The following ARID2 variants were observed in gnomAD, a reference collection of about 807,000 sequenced individuals.
The protein encoded by ARID2 is AT-rich interaction domain 2.
A neutral mutation model predicts 184.6 loss-of-function variants in ARID2; 32 were observed. The ratio of observed to expected loss-of-function variants is 0.17; its 90% CI spans 0.13 to 0.23. ARID2 has a LOEUF of 0.23. Ranked by LOEUF, ARID2 falls within the 10% of genes least tolerant of loss-of-function variation. ARID2 has a pLI of 1.00. For missense variants in ARID2, 1,696 were observed against 2,197.6 expected, an observed-to-expected ratio of 0.77 and a Z score of 4.56; for synonymous variants, 836 against 772.6, an observed-to-expected ratio of 1.08 and a Z score of -1.36.
chr12:45,735,646 C>T (rs1941101037), intron 3 of ARID2, among the ~76,000 whole-genome samples: 1 of 151,990 alleles, frequency 6.6e-6, no homozygotes, highest in Non-Finnish European at 1.5e-5. Flanking sequence ...AAACAAAAAA[C>T]CTGATTTTGA....
chr12:45,824,768 G>T (rs1439053231), intron 6 of ARID2, among the ~76,000 whole-genome samples: 1 of 151,710 alleles, frequency 6.6e-6, no homozygotes. Flanking sequence ...AGGAATACCT[G>T]TGCCGTCAAT....
intron 3 of ARID2, among the ~76,000 whole-genome samples, chr12:45,735,913 T>C (rs1159732096): frequency 6.6e-6 from 1 of 152,236 alleles, no homozygotes; most frequent in African/African-American, 2.4e-5. Flanking sequence ...AATGTTTATA[T>C]GCTTTTTTTT....
intron 12 of ARID2, among the ~76,000 whole-genome samples, chr12:45,848,274 G>A (rs983948704): frequency 6.6e-6 from 1 of 152,018 alleles, no homozygotes; most frequent in African/African-American, 2.4e-5. Flanking sequence ...GTTTGAATTA[G>A]TTTGTAATGG....
chr12:45,801,544 C>T (rs186486905), intron 3 of ARID2, among the ~76,000 whole-genome samples: 2 of 152,292 alleles, frequency 1.3e-5, no homozygotes, highest in East Asian at 3.9e-4. Context: ...AAAGCGCCAA[C>T]TGTGAGACAA....
intron 3 of ARID2, among the ~76,000 whole-genome samples, chr12:45,769,937 G>A (rs1374225406): frequency 1.3e-5 from 2 of 152,132 alleles, no homozygotes; most frequent in African/African-American, 4.8e-5. Flanking sequence ...CAAGAATTCT[G>A]TATTCAGGAA....
intron 15 of ARID2, among the ~76,000 whole-genome samples, chr12:45,859,727 C>A (rs1943710158): frequency 6.6e-6 from 1 of 152,118 alleles, no homozygotes; most frequent in Admixed American, 6.5e-5. Flanking sequence ...TTTATGCCTA[C>A]AATTAGAATT....
At position 45,836,569 on chromosome 12, in the gene ARID2, T is replaced by G. The variant is rs751988354; in HGVS notation, c.706-20T>G. 2.5e-6 allele frequency: 4 copies of G among 1,594,200 alleles called. No individual in the cohort carries two copies. In the East Asian group the frequency reaches 9.0e-5, roughly 36 times the overall value. On this transcript the variant is annotated intron_variant, in intron 6 of 20. Transcript: ENST00000334344. ...ATAGTTGTTTCAAATCATGGAGAAT[T>G]AAATAATTTATCATTACAGTTTTGG...
At chr12:45,897,367 A>G (rs1944383690) in intron 20 of ARID2, among the ~76,000 whole-genome samples, 1 of 152,220 alleles carries the variant, frequency 6.6e-6, no homozygotes. Context: ...AGACACAGAC[A>G]ATAAAAGGAA....
chr12:45,846,514 A>T (rs532430232), intron 11 of ARID2, among the ~76,000 whole-genome samples: 24 of 152,282 alleles, frequency 1.6e-4, no homozygotes, highest in African/African-American at 5.3e-4. Context: ...CCTACCTCAC[A>T]GAAGAATTAA....
intron 3 of ARID2, among the ~76,000 whole-genome samples, chr12:45,749,635 A>G (rs1314125200): frequency 6.6e-6 from 1 of 152,150 alleles, no homozygotes; most frequent in Non-Finnish European, 1.5e-5. Context: ...TATGTTGAAA[A>G]TCTGTTGTTT....
intron 15 of ARID2, among the ~76,000 whole-genome samples, chr12:45,856,191 C>T (rs1253284592): frequency 6.7e-6 from 1 of 149,924 alleles, no homozygotes; most frequent in East Asian, 2.0e-4. Flanking sequence ...TCTTCCACCT[C>T]AGCCTCCTGA....
chr12:45,799,798 A>T (rs967599732), intron 3 of ARID2, among the ~76,000 whole-genome samples: 4 of 152,224 alleles, frequency 2.6e-5, no homozygotes, highest in Non-Finnish European at 5.9e-5. Context: ...GCAACACATT[A>T]CATAAATTAC....
At chr12:45,877,304 T>G (rs1197706348) in intron 16 of ARID2, among the ~76,000 whole-genome samples, 1 of 151,968 alleles carries the variant, frequency 6.6e-6, no homozygotes, top group Non-Finnish European at 1.5e-5. Flanking sequence ...CTCTGCCCCC[T>G]GTTAGATCAG....
intron 3 of ARID2, among the ~76,000 whole-genome samples, chr12:45,759,887 T>G (rs1002473484): frequency 4.6e-5 from 7 of 152,136 alleles, no homozygotes; most frequent in African/African-American, 1.7e-4. Flanking sequence ...GGTTGTACAT[T>G]TGGGAGATTT....
chr12:45,749,823 A>G (rs1188706406), intron 3 of ARID2, among the ~76,000 whole-genome samples: 1 of 152,098 alleles, frequency 6.6e-6, no homozygotes, highest in Non-Finnish European at 1.5e-5. Context: ...CAGCTTCCTC[A>G]CTTCTCTCAG....
chr12:45,856,077 T>TTC (rs1943643549), intron 15 of ARID2, among the ~76,000 whole-genome samples: 1 of 127,060 alleles, frequency 7.9e-6, no homozygotes, highest in Non-Finnish European at 1.6e-5. Context: ...CTTTTTTTTT[T>TTC]TTTTTTTTTT....
chr12:45,799,631 G>A (rs1942457376), intron 3 of ARID2, among the ~76,000 whole-genome samples: 1 of 152,138 alleles, frequency 6.6e-6, no homozygotes, highest in African/African-American at 2.4e-5. Context: ...CAATAGTTGG[G>A]AGTCAAAAGA....
At chr12:45,812,209 A>G (rs1324378065) in intron 4 of ARID2, among the ~76,000 whole-genome samples, 1 of 151,594 alleles carries the variant, frequency 6.6e-6, no homozygotes, top group Non-Finnish European at 1.5e-5. Flanking sequence ...TTTGGCCTAA[A>G]AAAAAAAAGA....
rs1033131393 is a variant in ARID2, at chr12:45,839,627, A to G, written c.1498+131A>G. 2.0e-5 allele frequency: 20 copies of G among 996,886 alleles called. No individual in the cohort carries two copies. The African/African-American group carries it at 3.1e-4, about 16-fold the overall frequency. The allele number at this position is 996,886 out of a possible 1,614,324, so 61.8% of individuals were successfully genotyped here. The stretch of plus-strand genomic sequence containing the variant: ...TAGTAGGCCAAAGTGGAATTTGGAT[A>G]TGTACTCTAATTTCTTAGATATTAT... On this transcript the variant is annotated intron_variant, in intron 11 of 20. Transcript: ENST00000334344.
Sources: gnomAD v4.1 joint callset for allele counts (sites outside exome capture counted in the v4.1 genomes callset) on GRCh38, gnomAD v4.1.1 for gene constraint, MANE v1.5 for transcripts, NCBI Gene and HGNC (gene_info 2026-07-23, HGNC 2026-07-21) for gene names.